DCLK2: variants seen among roughly 807,000 people sequenced by gnomAD.
The protein encoded by DCLK2 is doublecortin like kinase 2.
A neutral mutation model predicts 78.4 loss-of-function variants in DCLK2; 31 were observed. The ratio of observed to expected loss-of-function variants is 0.40; its 90% confidence interval spans 0.30 to 0.53. DCLK2 has a LOEUF of 0.53. Ranked by LOEUF, DCLK2 falls within the 20% of genes least tolerant of loss-of-function variation. DCLK2 has a pLI of 0.61. For synonymous variants in DCLK2, 407 were observed against 374.9 expected, an observed-to-expected ratio of 1.09 and a Z score of -0.99; for missense variants, 872 against 973.7, an observed-to-expected ratio of 0.90 and a Z score of 1.39.
chr4:150,255,942 G>C, intron 15 of DCLK2, 78 bp from the exon 16 acceptor site: 1 of 1,556,570 alleles, frequency 6.4e-7, no homozygotes, highest in Non-Finnish European at 8.7e-7. Context: ...TGCATGCTCT[G>C]TTGTGCTCTC....
rs35729685 is a variant in DCLK2, at chr4:150,136,979, C to CTTTTT, written c.756+34185_756+34189dup. On this transcript the variant is annotated intron_variant, in intron 2 of 15. Transcript: ENST00000296550. ...TTCTCATCTTTTTCTTCTTCTTCTT[C>CTTTTT]TTTTTTTTTTTTTTTTTTTTTTGAG... Among the ~76,000 whole-genome samples the CTTTTT allele has an allele frequency of 6.5e-3, 536 of 82,396 alleles. 22 individuals are homozygous for CTTTTT. The highest frequency in any genetic ancestry group is 0.018 in the East Asian group (40 of 2,254). The allele number at this position is 82,396 out of a possible 152,430, so 54.1% of individuals were successfully genotyped here.
At chr4:150,093,004 G>T (rs370720890) in intron 1 of DCLK2, among the ~76,000 whole-genome samples, 1 of 152,170 alleles carries the variant, frequency 6.6e-6, no homozygotes, top group East Asian at 1.9e-4. Flanking sequence ...ACAATTATCT[G>T]TTTGCAGAAG....
intron 2 of DCLK2, among the ~76,000 whole-genome samples, chr4:150,152,479 AC>A (rs1734971653): frequency 6.6e-6 from 1 of 152,182 alleles, no homozygotes; most frequent in Admixed American, 6.5e-5. Flanking sequence ...ACGGGGTTTC[AC>A]CATGTTGGCC....
intron 2 of DCLK2, among the ~76,000 whole-genome samples, chr4:150,125,950 A>G (rs905401404): frequency 1.4e-4 from 20 of 141,788 alleles, no homozygotes; most frequent in African/African-American, 5.3e-4. Flanking sequence ...AATACTATAA[A>G]ATAATATAAA....
intron 2 of DCLK2, among the ~76,000 whole-genome samples, chr4:150,158,666 C>T (rs954910801): frequency 3.6e-4 from 55 of 152,052 alleles, no homozygotes; most frequent in Non-Finnish European, 2.9e-5. Context: ...ATAAATATAA[C>T]AGACTGAGAT....
Position 150,146,155 on chromosome 4 carries a change from A to G in DCLK2, c.756+43343A>G, listed in dbSNP as rs191253372. On this transcript the variant is annotated intron_variant, in intron 2 of 15. Transcript: ENST00000296550. ...ACCAGTAAAATACCTCACCCAAGAA[A>G]GTAATTTACTATGACAAGATCTGCA... Among the ~76,000 whole-genome samples, 388 of 152,340 alleles carry G rather than the reference A, an allele frequency of 2.5e-3. 1 individual carries two copies. Among genetic ancestry groups the G allele is most frequent in the African/African-American group, 8.9e-3 (369 of 41,574 alleles).
At chr4:150,225,556 A>G (rs1451812717) in intron 8 of DCLK2, among the ~76,000 whole-genome samples, 1 of 152,250 alleles carries the variant, frequency 6.6e-6, no homozygotes, top group African/African-American at 2.4e-5. Context: ...TACAGCTACA[A>G]AGCACTTGAA....
At chr4:150,208,958 G>C (rs931765742) in intron 5 of DCLK2, among the ~76,000 whole-genome samples, 1 of 152,198 alleles carries the variant, frequency 6.6e-6, no homozygotes, top group Non-Finnish European at 1.5e-5. Flanking sequence ...CAAGGATGTG[G>C]GATGATGTTC....
Position 150,178,259 on chromosome 4 carries a change from T to C in DCLK2, c.757-14879T>C, listed in dbSNP as rs114712836. On this transcript the variant is annotated intron_variant, in intron 2 of 15. Transcript: ENST00000296550. The stretch of plus-strand genomic sequence containing the variant: ...TTGCTTTGAATTCTTCTAAACTAAG[T>C]ATTTGCTCTATCAACTTGCAAATCA... Among the ~76,000 whole-genome samples, 172 of 152,328 alleles carry C rather than the reference T, an allele frequency of 1.1e-3. 1 individual carries two copies. Among genetic ancestry groups the C allele is most frequent in the African/African-American group, 3.9e-3 (164 of 41,556 alleles).
chr4:150,126,090 A>T (rs908845471), intron 2 of DCLK2, among the ~76,000 whole-genome samples: 1 of 152,234 alleles, frequency 6.6e-6, no homozygotes, highest in African/African-American at 2.4e-5. Flanking sequence ...GGATACTATG[A>T]GAGTGGACTC....
chr4:150,204,010 GA>G, intron 5 of DCLK2, 121 bp downstream of exon 5: 1 of 893,756 alleles, frequency 1.1e-6, no homozygotes. Flanking sequence ...TTAGGATTTT[GA>G]GCCTGGTAGA....
intron 4 of DCLK2, among the ~76,000 whole-genome samples, chr4:150,202,403 T>A (rs1345744722): frequency 6.6e-6 from 1 of 152,188 alleles, no homozygotes; most frequent in African/African-American, 2.4e-5. Flanking sequence ...AAAATTAAAG[T>A]TTTGGAAATT....
chr4:150,086,907 T>C (rs957685856), intron 1 of DCLK2, among the ~76,000 whole-genome samples: 2 of 152,226 alleles, frequency 1.3e-5, no homozygotes, highest in African/African-American at 4.8e-5. Flanking sequence ...TTCTCTGCCA[T>C]AGCTAAGGCT....
intron 7 of DCLK2, 25 bp from the exon 8 acceptor site, chr4:150,224,476 T>C: frequency 1.3e-6 from 2 of 1,574,706 alleles, no homozygotes; most frequent in Non-Finnish European, 1.7e-6. Context: ...TGTCTTTAAA[T>C]GGTCTTCCTC....
At chr4:150,247,732 T>TACG (rs772121985) in intron 13 of DCLK2, 33 bp downstream of exon 13, 1 of 1,577,684 alleles carries the variant, frequency 6.3e-7, no homozygotes, top group Admixed American at 1.7e-5. Flanking sequence ...TGGGTTGTAT[T>TACG]ACGTTGTGGG....
At chr4:150,146,319 T>G (rs936695520) in intron 2 of DCLK2, among the ~76,000 whole-genome samples, 3 of 152,230 alleles carry the variant, frequency 2.0e-5, no homozygotes, top group African/African-American at 4.8e-5. Context: ...CAACTTCAGC[T>G]CTCTTGAATT....
chr4:150,221,249 A>G (rs1741163930), intron 6 of DCLK2, among the ~76,000 whole-genome samples: 1 of 151,998 alleles, frequency 6.6e-6, no homozygotes, highest in Non-Finnish European at 1.5e-5. Context: ...TCTACTAGAA[A>G]ATGTTGAAGA....
intron 8 of DCLK2, among the ~76,000 whole-genome samples, chr4:150,227,912 G>T (rs915631096): frequency 5.9e-5 from 9 of 152,150 alleles, no homozygotes; most frequent in Non-Finnish European, 1.2e-4. Flanking sequence ...AAACTTGGTG[G>T]CTTAAAACAC....
At chr4:150,185,768 T>A (rs2126311831) in intron 2 of DCLK2, among the ~76,000 whole-genome samples, 1 of 152,278 alleles carries the variant, frequency 6.6e-6, no homozygotes. Context: ...TTCACACGTT[T>A]TTGTATCTTT....
Sources: gnomAD v4.1 joint callset for allele counts (sites outside exome capture counted in the v4.1 genomes callset) on GRCh38, gnomAD v4.1.1 for gene constraint, MANE v1.5 for transcripts, NCBI Gene and HGNC (gene_info 2026-07-23, HGNC 2026-07-21) for gene names.